Variants in FUT8 observed in about 807,000 individuals in gnomAD.
FUT8 encodes the protein fucosyltransferase 8.
FUT8 carries 29 observed loss-of-function variants against 71.3 expected under a neutral mutation model. That is an observed-to-expected ratio of 0.41 (90% confidence interval 0.30 to 0.55). The LOEUF (loss-of-function observed/expected upper bound fraction) is 0.55, where lower values mean the gene tolerates loss of function less well. Ranked by LOEUF, FUT8 falls within the 20% of genes least tolerant of loss-of-function variation. The probability of loss-of-function intolerance (pLI) is 0.34; values close to 1 mark genes in which losing one functional copy is unlikely to be tolerated. For missense variants in FUT8, 544 were observed against 702.1 expected (o/e 0.77, Z 2.55); for synonymous variants, 254 against 239.3 (o/e 1.06, Z -0.57).
In FUT8 at chr14:65,630,367, T is replaced by C. The variant is rs559971324; in HGVS notation, c.597+761T>C. Among the ~76,000 whole-genome samples the C allele has an allele frequency of 1.7e-3, 256 of 152,338 alleles. 1 individual carries two copies. The highest frequency in any genetic ancestry group is 6.0e-3 in the African/African-American group (250 of 41,588). On this transcript the variant is annotated intron_variant, in intron 6 of 10. Transcript: ENST00000673929. ...TTCTTTTCTAGTTCTTATTAATATGTACACACCGTCTTACATATATGTAAG... is the reference window on the plus strand; with the variant it reads ...TTCTTTTCTAGTTCTTATTAATATGCACACACCGTCTTACATATATGTAAG...
At chr14:65,622,606 G>A (rs1001618122) in intron 5 of FUT8, among the ~76,000 whole-genome samples, 1 of 152,296 alleles carries the variant, frequency 6.6e-6, no homozygotes, top group Middle Eastern at 3.4e-3. Flanking sequence ...TGTGTCAGTT[G>A]TCAAGATGGT....
At chr14:65,374,601 GT>G in the FUT8 span, among the ~76,000 whole-genome samples, 154 of 144,798 alleles carry the variant, frequency 1.1e-3, 1 homozygote, top group East Asian at 0.018. Context: ...TGTTTTTTTT[GT>G]TTTTTTTTTT....
At chr14:65,571,899 C>T (rs1052255037) in intron 3 of FUT8, among the ~76,000 whole-genome samples, 3 of 152,050 alleles carry the variant, frequency 2.0e-5, no homozygotes, top group Non-Finnish European at 2.9e-5. Context: ...TATAACCCCA[C>T]TTAAACTCAA....
At chr14:65,569,155 G>A (rs1319807318) in intron 3 of FUT8, among the ~76,000 whole-genome samples, 1 of 151,236 alleles carries the variant, frequency 6.6e-6, no homozygotes, top group African/African-American at 2.4e-5. Context: ...TGTCTTTGGT[G>A]TTAAGCACTT....
chr14:65,611,270 CA>C (rs1888959953), intron 3 of FUT8, among the ~76,000 whole-genome samples: 6 of 69,412 alleles, frequency 8.6e-5, no homozygotes, highest in African/African-American at 3.4e-4. Flanking sequence ...CACACACACA[CA>C]CACACACACA....
rs2140187761 is a variant in FUT8, at chr14:65,607,222, GT to G, written c.204-8755del. Among the ~76,000 whole-genome samples, 1 of 151,954 alleles carries G rather than the reference GT, an allele frequency of 6.6e-6. No individual in the cohort carries two copies. Among genetic ancestry groups the G allele is most frequent in the South Asian group, 2.1e-4 (1 of 4,778 alleles). ...CTTATTACCTCAGCTAAGGCCTTCA[GT>G]ACAGTGATGAATAGAAGCATAGATG... On this transcript the variant is annotated intron_variant, in intron 3 of 10. Transcript: ENST00000673929. The surrounding 1 kb of genome is among the most constrained non-coding windows in gnomAD (Gnocchi z 4.1).
At chr14:65,363,700 G>A in the FUT8 span, among the ~76,000 whole-genome samples, 5 of 152,224 alleles carry the variant, frequency 3.3e-5, no homozygotes, top group East Asian at 9.7e-4. Context: ...AGGCCTTGCT[G>A]TTTTCCTCAG....
chr14:65,582,532 G>A (rs761582641), intron 3 of FUT8, among the ~76,000 whole-genome samples: 30 of 152,236 alleles, frequency 2.0e-4, no homozygotes, highest in Non-Finnish European at 3.8e-4. Flanking sequence ...TTTTTAGTAA[G>A]TGTTGGTGGT....
In FUT8 at chr14:65,743,690, C is replaced by T. The variant is rs1270304229; in HGVS notation, c.*1280C>T. On this transcript the variant is annotated 3_prime_UTR_variant, in exon 11 of 11. Coordinates refer to ENST00000673929, the MANE Select transcript of FUT8 (RefSeq NM_001371533.1). ...TGAGAAGCGGGACCAATGGGAGACTCACAATGGACTGAGTCTTGGGATTAT... is the reference window on the plus strand; with the variant it reads ...TGAGAAGCGGGACCAATGGGAGACTTACAATGGACTGAGTCTTGGGATTAT... 6.6e-6 allele frequency: 1 copy of T among 151,942 alleles called. No individual in the cohort carries two copies. The highest frequency in any genetic ancestry group is 6.6e-5 in the Admixed American group (1 of 15,232). The allele number at this position is 151,942 out of a possible 1,614,324, so 9.4% of individuals were successfully genotyped here. A position where few individuals can be genotyped will look rare whatever the true frequency, so the allele number is the denominator to read the frequency against.
chr14:65,694,215 A>C (rs913724331), intron 7 of FUT8, among the ~76,000 whole-genome samples: 1 of 151,926 alleles, frequency 6.6e-6, no homozygotes, highest in Non-Finnish European at 1.5e-5. Flanking sequence ...CTTTGGATTT[A>C]ATTTGTGCTT....
At chr14:65,387,998 CT>C in the FUT8 span, among the ~76,000 whole-genome samples, 1 of 152,248 alleles carries the variant, frequency 6.6e-6, no homozygotes, top group East Asian at 1.9e-4. Context: ...TCTTCTTAGC[CT>C]TACTGTCTTA....
At chr14:65,465,431 C>G (rs2066028255) in intron 2 of FUT8, among the ~76,000 whole-genome samples, 2 of 152,206 alleles carry the variant, frequency 1.3e-5, no homozygotes, top group Non-Finnish European at 2.9e-5. Context: ...CTTAGCCTCC[C>G]AAAGTGCTGG....
rs1566890666 is a variant in FUT8, at chr14:65,677,165, CGCGCGCACGTATGTGTGT to C, written c.835+7690_835+7707del. On this transcript the variant is annotated intron_variant, in intron 7 of 10. Coordinates refer to ENST00000673929, the MANE Select transcript of FUT8 (RefSeq NM_001371533.1). ...GTGTGTGTGTGTGCGCGCGCGCATGCGCGCGCACGTATGTGTGTGCGCATGTGTGTTTTTAAGTAATAG... is the reference window on the plus strand; with the variant it reads ...GTGTGTGTGTGTGCGCGCGCGCATGCGCGCATGTGTGTTTTTAAGTAATAG... Among the ~76,000 whole-genome samples the C allele has an allele frequency of 3.8e-3, 316 of 82,700 alleles. 3 individuals are homozygous for C. The highest frequency in any genetic ancestry group is 0.016 in the African/African-American group (300 of 19,036). 54.3% of individuals were successfully genotyped at this position (82,700 alleles called of 152,430 possible).
chr14:65,392,863 C>G, the FUT8 span, among the ~76,000 whole-genome samples: 2 of 152,184 alleles, frequency 1.3e-5, no homozygotes, highest in African/African-American at 4.8e-5. Flanking sequence ...TGCAGAACAC[C>G]CAGTTAAATC....
chr14:65,693,058 G>A lies in FUT8; in HGVS notation c.835+23578G>A, dbSNP rs1157276659. Among the ~76,000 whole-genome samples, 17 of 151,190 alleles carry A rather than the reference G, an allele frequency of 1.1e-4. No homozygotes were observed. The South Asian group carries it at 2.9e-3, about 26-fold the overall frequency. On this transcript the variant is annotated intron_variant, in intron 7 of 10. Coordinates refer to ENST00000673929, the MANE Select transcript of FUT8 (RefSeq NM_001371533.1). ...AGGCAGAGGGGCTCCTCACATCCCA[G>A]ACAATGGGCAGCCAGGCAGAGACGC...
At chr14:65,380,340 C>A in the FUT8 span, among the ~76,000 whole-genome samples, 1 of 152,146 alleles carries the variant, frequency 6.6e-6, no homozygotes, top group African/African-American at 2.4e-5. Flanking sequence ...GTCCCTCCCA[C>A]AACACATGGG....
intron 3 of FUT8, among the ~76,000 whole-genome samples, chr14:65,583,378 G>T (rs1887191983): frequency 6.6e-6 from 1 of 151,998 alleles, no homozygotes; most frequent in African/African-American, 2.4e-5. Context: ...TTGACTTTTT[G>T]TTGTTGTTGT....
At chr14:65,471,034 G>A in intron 2 of FUT8, 2 of 453,000 alleles carry the variant, frequency 4.4e-6, no homozygotes, top group South Asian at 3.2e-5. Flanking sequence ...CCTTAAATGG[G>A]GTCTGAGGCT....
intron 5 of FUT8, among the ~76,000 whole-genome samples, chr14:65,619,381 A>G (rs1393115852): frequency 6.6e-6 from 1 of 152,138 alleles, no homozygotes; most frequent in African/African-American, 2.4e-5. Flanking sequence ...CCTAGTAGTC[A>G]GGGCACCATG....
Sources: allele counts gnomAD v4.1 joint callset (sites outside exome capture counted in the v4.1 genomes callset), GRCh38; gene constraint gnomAD v4.1.1; non-coding constraint Gnocchi (gnomAD v3.1); transcripts MANE v1.5; gene names NCBI Gene and HGNC (gene_info 2026-07-23, HGNC 2026-07-21).